The following NAP1L4 variants were observed in gnomAD, a reference collection of about 807,000 sequenced individuals.
The protein encoded by NAP1L4 is nucleosome assembly protein 1-like 4.
NAP1L4 carries 15 observed loss-of-function variants against 58.2 expected under a neutral mutation model. The observed-to-expected ratio is 0.26, with a 90% CI of 0.17 to 0.40. The LOEUF (loss-of-function observed/expected upper bound fraction) is 0.40, where lower values mean the gene tolerates loss of function less well. Among genes scored for constraint, NAP1L4 ranks in the 10% least tolerant of loss-of-function variants. NAP1L4 has a pLI of 1.00. For synonymous variants in NAP1L4, 171 were observed against 155.6 expected (o/e 1.10, Z -0.74); for missense variants, 384 against 451.1 (o/e 0.85, Z 1.35).
Position 2,971,400 on chromosome 11 carries a change from T to C in NAP1L4, c.402+48A>G. 6.6e-7 allele frequency: 1 copy of C among 1,525,512 alleles called. No homozygotes were observed. Among genetic ancestry groups the C allele is most frequent in the South Asian group, 1.1e-5 (1 of 87,254 alleles). The allele number at this position is 1,525,512 out of a possible 1,614,324, so 94.5% of individuals were successfully genotyped here. ...AAAAATCATTAAAAAATGCTTATTT[T>C]TAACAGTATTAAAACAGAACATGAG... On this transcript the variant is annotated intron_variant, in intron 6 of 15. Transcript: ENST00000380542. The surrounding 1 kb of genome is among the most constrained non-coding windows in gnomAD (Gnocchi z 4.2).
chr11:2,990,811 G>C (rs1296199416), intron 1 of NAP1L4: 1 of 208,962 alleles, frequency 4.8e-6, no homozygotes, highest in East Asian at 1.3e-4. Context: ...GTTAACACAC[G>C]CAAACAGGCT....
At chr11:2,974,744 A>G (rs1429056354) in intron 4 of NAP1L4, among the ~76,000 whole-genome samples, 1 of 151,958 alleles carries the variant, frequency 6.6e-6, no homozygotes, top group Non-Finnish European at 1.5e-5. Context: ...AAAAATACAA[A>G]AACAAAACAA....
In NAP1L4 at chr11:2,959,930, T is replaced by C. The variant is rs562995120; in HGVS notation, c.607-21A>G. On this transcript the variant is annotated intron_variant, in intron 8 of 15. Transcript: ENST00000380542. This position sits in a 1 kb window ranked among gnomAD's most constrained non-coding sequence, Gnocchi z 4.9. ...AAAGACTAAAAGTAGAAATTCAGAGTAAGCACCAGTTAAAATAGAAAAATA... is the reference window on the plus strand; with the variant it reads ...AAAGACTAAAAGTAGAAATTCAGAGCAAGCACCAGTTAAAATAGAAAAATA... The C allele has an allele frequency of 1.2e-6, 2 of 1,612,504 alleles. No individual in the cohort carries two copies. The highest frequency in any genetic ancestry group is 2.2e-5 in the South Asian group (2 of 90,906).
chr11:2,969,739 G>A, intron 7 of NAP1L4, 64 bp downstream of exon 7: 1 of 1,534,712 alleles, frequency 6.5e-7, no homozygotes, highest in Non-Finnish European at 8.8e-7. Context: ...CTTAAAAAAT[G>A]CCATAGATAA....
chr11:2,981,021 G>A (rs1848269575), intron 1 of NAP1L4, among the ~76,000 whole-genome samples: 1 of 151,986 alleles, frequency 6.6e-6, no homozygotes, highest in African/African-American at 2.4e-5. Flanking sequence ...TTGAAGCTCA[G>A]GAGTTTCAGA....
chr11:2,985,176 C>T (rs968241389), intron 1 of NAP1L4, among the ~76,000 whole-genome samples: 3 of 152,208 alleles, frequency 2.0e-5, no homozygotes, highest in East Asian at 1.9e-4. Context: ...AATGTCAACA[C>T]TAACGGAGTT....
At chr11:2,980,997 A>C (rs7124270) in intron 1 of NAP1L4, among the ~76,000 whole-genome samples, 13 of 151,734 alleles carry the variant, frequency 8.6e-5, no homozygotes, top group African/African-American at 2.9e-4. Flanking sequence ...GGGAGGCCAA[A>C]GTGGGCAGAT....
At chr11:2,972,023 A>G (rs147592132) in intron 5 of NAP1L4, 79 bp downstream of exon 5, 180 of 1,392,968 alleles carry the variant, frequency 1.3e-4, no homozygotes, top group Middle Eastern at 2.7e-4. Context: ...GATGTTGTCA[A>G]CTTATAATGG....
chr11:2,969,420 C>T (rs552624099), intron 7 of NAP1L4, among the ~76,000 whole-genome samples: 1 of 152,160 alleles, frequency 6.6e-6, no homozygotes, highest in Non-Finnish European at 1.5e-5. Context: ...TCATTCTGCT[C>T]TGGTCTCCTG....
rs572753828 is a variant in NAP1L4 at position 2,948,300 on chromosome 11, A to T, written c.*32+927T>A. 1.3e-5 allele frequency among the ~76,000 whole-genome samples: 2 copies of T among 152,274 alleles called. No individual in the cohort carries two copies. The highest frequency in any genetic ancestry group is 4.8e-5 in the African/African-American group (2 of 41,538). ...AGGCGGTGGCGCTAAGACCTCAAGGACGTCTGGTCTATGGGCTGCCAGGAT... is the reference window on the plus strand; with the variant it reads ...AGGCGGTGGCGCTAAGACCTCAAGGTCGTCTGGTCTATGGGCTGCCAGGAT... On this transcript the variant is annotated intron_variant, in intron 15 of 15. Coordinates refer to ENST00000380542, the MANE Select transcript of NAP1L4 (RefSeq NM_005969.4). This position sits in a 1 kb window ranked among gnomAD's most constrained non-coding sequence, Gnocchi z 5.1.
intron 7 of NAP1L4, among the ~76,000 whole-genome samples, chr11:2,967,162 G>A (rs908703123): frequency 9.2e-5 from 14 of 152,160 alleles, no homozygotes; most frequent in African/African-American, 2.7e-4. Flanking sequence ...CCAGCTACTC[G>A]AGAGGACCCC....
chr11:2,986,399 GA>G (rs1403631536), intron 1 of NAP1L4, among the ~76,000 whole-genome samples: 11 of 141,300 alleles, frequency 7.8e-5, no homozygotes, highest in Admixed American at 2.9e-4. Context: ...AAAAAGAAAG[GA>G]AAAAAAAATT....
At chr11:2,974,522 T>C (rs1214153813) in intron 4 of NAP1L4, among the ~76,000 whole-genome samples, 1 of 152,056 alleles carries the variant, frequency 6.6e-6, no homozygotes, top group African/African-American at 2.4e-5. Flanking sequence ...CAATCTAGTC[T>C]GCAAAAAAAA....
At chr11:2,988,256 T>G (rs1004922956) in intron 1 of NAP1L4, 1 of 152,246 alleles carries the variant, frequency 6.6e-6, no homozygotes, top group African/African-American at 2.4e-5. Context: ...GGCAGTTCAT[T>G]AGCATACGAC....
chr11:2,987,656 C>T (rs1296650322), intron 1 of NAP1L4, among the ~76,000 whole-genome samples: 1 of 144,264 alleles, frequency 6.9e-6, no homozygotes, highest in Non-Finnish European at 1.5e-5. Flanking sequence ...ACTTGGGAGG[C>T]TGAGACAGGA....
rs577445501 is a variant in NAP1L4 at position 2,956,877 on chromosome 11, T to C, written c.893-1111A>G. Among the ~76,000 whole-genome samples, 8 of 152,338 alleles carry C rather than the reference T, an allele frequency of 5.3e-5. No homozygotes were observed. In the East Asian group the frequency reaches 1.4e-3, roughly 26 times the overall value. ...TTTTGTCTGTTCCTTCACTACCCCATTACCTATTCCGCAGCCATCCTCAAT... is the reference window on the plus strand; with the variant it reads ...TTTTGTCTGTTCCTTCACTACCCCACTACCTATTCCGCAGCCATCCTCAAT... On this transcript the variant is annotated intron_variant, in intron 10 of 15. Transcript: ENST00000380542.
At chr11:2,952,188 G>T (rs149398418) in intron 12 of NAP1L4, 2 of 272,402 alleles carry the variant, frequency 7.3e-6, no homozygotes, top group African/African-American at 4.4e-5. Context: ...AAGGCTGATC[G>T]AACCAGCAGC....
In NAP1L4 at chr11:2,959,829, T is replaced by A. The variant is rs1367850810; in HGVS notation, c.687A>T (p.Ser229=). ...SVLTKTYKMK[S]EPDKADPFSF... ...AAAAGGGATCAGCCTTATCTGGTTC[T>A]GATTTCATCTTGTAGGTTTTTGTCA... Residue 229 remains serine (S), a synonymous_variant, in exon 9 of 16, where the codon TCA becomes TCT. Coordinates refer to ENST00000380542, the MANE Select transcript of NAP1L4 (RefSeq NM_005969.4). This position sits in a 1 kb window ranked among gnomAD's most constrained non-coding sequence, Gnocchi z 4.9. 3 of 1,614,142 alleles carry A rather than the reference T, an allele frequency of 1.9e-6. No homozygotes were observed. The highest frequency in any genetic ancestry group is 2.5e-6 in the Non-Finnish European group (3 of 1,180,050).
intron 7 of NAP1L4, among the ~76,000 whole-genome samples, chr11:2,968,002 G>A (rs1847387830): frequency 1.3e-5 from 2 of 152,068 alleles, no homozygotes; most frequent in South Asian, 4.2e-4. Context: ...CCTAACTCTA[G>A]CTCCCAAACC....
Sources: gnomAD v4.1 joint callset for allele counts (sites outside exome capture counted in the v4.1 genomes callset) on GRCh38, gnomAD v4.1.1 for gene constraint, Gnocchi (gnomAD v3.1) non-coding constraint, MANE v1.5 for transcripts, NCBI Gene and HGNC (gene_info 2026-07-23, HGNC 2026-07-21) for gene names.